The following HOATZ variants were observed in gnomAD, a reference collection of about 807,000 sequenced individuals.
HOATZ encodes the protein HOATZ cilia and flagella associated protein.
A neutral mutation model predicts 24.9 loss-of-function variants in HOATZ; 26 were observed. The ratio of observed to expected loss-of-function variants is 1.04; its 90% CI spans 0.76 to 1.45. HOATZ has a LOEUF of 1.45. HOATZ is among the 40% of genes most tolerant of loss of function. The pLI is 0.00. For synonymous variants in HOATZ, 83 were observed against 76.6 expected, an observed-to-expected ratio of 1.08 and a Z score of -0.43; for missense variants, 226 against 201.5, an observed-to-expected ratio of 1.12 and a Z score of -0.74.
At chr11:111,524,997 T>C (rs1422623444) in intron 3 of HOATZ, 1 of 382,256 alleles carries the variant, frequency 2.6e-6, no homozygotes, top group Admixed American at 3.5e-5. Flanking sequence ...GCCTCCAAAG[T>C]TTCTGGGACT....
chr11:111,527,149 A>G lies in HOATZ; in HGVS notation c.340-6597A>G, dbSNP rs1038325699. ...TAAATCACTTGTACTTCTGCTCTGC[A>G]TGCATTTTGTGTGTGCATGCATGTA... On this transcript the variant is annotated intron_variant, in intron 3 of 5. Transcript: ENST00000375618. Among the ~76,000 whole-genome samples, 4 of 152,204 alleles carry G rather than the reference A, an allele frequency of 2.6e-5. No individual in the cohort carries two copies. The South Asian group carries it at 6.2e-4, about 24-fold the overall frequency.
intron 3 of HOATZ, among the ~76,000 whole-genome samples, chr11:111,521,683 T>A (rs987130249): frequency 1.3e-5 from 2 of 152,230 alleles, no homozygotes. Context: ...AGCATTCAAG[T>A]GGAAGAGTCA....
Position 111,516,102 on chromosome 11 carries a change from C to T in HOATZ, c.331C>T (p.Leu111Phe), listed in dbSNP as rs778936446. 6.3e-7 allele frequency: 1 copy of T among 1,586,794 alleles called. No individual in the cohort carries two copies. Residue 111 changes from leucine (L) to phenylalanine (F), a missense_variant, in exon 3 of 6, where the codon CTC becomes TTC. Leu to Phe is a conservative substitution (Grantham distance 22). Transcript: ENST00000375618. The part of the protein sequence containing the change: ...IQESEEKVKY[L>F]QKAKTREEIL... ...GGAATCTGAGGAGAAAGTAAAGTATCTCCAAAAGGTAGGCCAATATTTCAG... is the reference window on the plus strand; with the variant it reads ...GGAATCTGAGGAGAAAGTAAAGTATTTCCAAAAGGTAGGCCAATATTTCAG...
At chr11:111,523,791 T>C (rs1273022043) in intron 3 of HOATZ, among the ~76,000 whole-genome samples, 2 of 152,240 alleles carry the variant, frequency 1.3e-5, no homozygotes, top group Non-Finnish European at 2.9e-5. Context: ...TCTTCCCATT[T>C]AGCTAATAAC....
chr11:111,531,345 C>CAAA (rs1210803248), intron 3 of HOATZ, among the ~76,000 whole-genome samples: 1 of 152,130 alleles, frequency 6.6e-6, no homozygotes, highest in African/African-American at 2.4e-5. Flanking sequence ...GTATCACATA[C>CAAA]AAAGCACTGC....
intron 1 of HOATZ, 155 bp downstream of exon 1, chr11:111,515,165 C>A: frequency 3.2e-6 from 2 of 623,774 alleles, no homozygotes; most frequent in Non-Finnish European, 2.8e-6. Context: ...ACCCTTCCAG[C>A]AACCCTTCCA....
intron 3 of HOATZ, chr11:111,519,213 T>C: frequency 4.0e-6 from 1 of 252,840 alleles, no homozygotes; most frequent in Non-Finnish European, 8.2e-6. Context: ...TGGCCACAGT[T>C]TACCCTCAAC....
chr11:111,533,840 CT>C, intron 4 of HOATZ, 35 bp downstream of exon 4: 1 of 1,478,640 alleles, frequency 6.8e-7, no homozygotes, highest in Non-Finnish European at 9.1e-7. Flanking sequence ...GATAATCTAT[CT>C]GAGTGGATGA....
intron 5 of HOATZ, chr11:111,534,865 T>C (rs981182075): frequency 1.2e-5 from 2 of 173,504 alleles, no homozygotes; most frequent in Admixed American, 5.9e-5. Context: ...TGGGCTAAGG[T>C]TGCTAAAACT....
At chr11:111,517,410 C>T (rs973752584) in intron 3 of HOATZ, among the ~76,000 whole-genome samples, 2 of 152,068 alleles carry the variant, frequency 1.3e-5, no homozygotes, top group African/African-American at 4.8e-5. Context: ...CAGCTTTTGT[C>T]AAACAATAAG....
At chr11:111,519,411 C>A (rs1166271743) in intron 3 of HOATZ, among the ~76,000 whole-genome samples, 1 of 152,098 alleles carries the variant, frequency 6.6e-6, no homozygotes, top group Non-Finnish European at 1.5e-5. Context: ...ACTCATCTGG[C>A]AAATTTTTCT....
At chr11:111,536,593 C>T in intron 5 of HOATZ, 177 bp from the exon 6 acceptor site, 1 of 542,242 alleles carries the variant, frequency 1.8e-6, no homozygotes, top group Non-Finnish European at 3.3e-6. Context: ...CCACACTTCA[C>T]AATATCATAA....
chr11:111,518,395 A>T (rs1054684700), intron 3 of HOATZ, among the ~76,000 whole-genome samples: 1 of 152,222 alleles, frequency 6.6e-6, no homozygotes, highest in Non-Finnish European at 1.5e-5. Flanking sequence ...AGATATAGTG[A>T]GATAACATAA....
At chr11:111,536,706 G>T in intron 5 of HOATZ, 64 bp from the exon 6 acceptor site, 1 of 1,307,076 alleles carries the variant, frequency 7.7e-7, no homozygotes, top group Non-Finnish European at 1.1e-6. Context: ...TTGTTTTCAT[G>T]CTACATCATG....
At chr11:111,526,166 G>A (rs1451216731) in intron 3 of HOATZ, among the ~76,000 whole-genome samples, 5 of 152,184 alleles carry the variant, frequency 3.3e-5, no homozygotes, top group Non-Finnish European at 5.9e-5. Flanking sequence ...AACAGGCACC[G>A]CACATGTCAA....
intron 3 of HOATZ, 131 bp downstream of exon 3, chr11:111,516,241 AT>A: frequency 3.7e-6 from 2 of 537,174 alleles, no homozygotes; most frequent in Non-Finnish European, 6.5e-6. Flanking sequence ...GGAAACCTTT[AT>A]TAGAATTTTA....
intron 3 of HOATZ, among the ~76,000 whole-genome samples, chr11:111,529,373 C>CT (rs1321551355): frequency 3.1e-4 from 47 of 151,022 alleles, no homozygotes; most frequent in African/African-American, 1.0e-3. Context: ...TAATCTTTTT[C>CT]TTTTTTTTTA....
In HOATZ at chr11:111,514,900, A is replaced by C. The variant is rs780142812; in HGVS notation, c.116A>C (p.Gln39Pro). The change falls in exon 1 of 6, where the codon CAG becomes CCG. Residue 39 changes from glutamine (Q) to proline (P), a missense_variant. By Grantham distance (76) the Gln-to-Pro change is moderately conservative (BLOSUM62 -1). Coordinates refer to ENST00000375618, the MANE Select transcript of HOATZ (RefSeq NM_001100388.2). ...GAACAAGATGCCAACTTGGCTAAGC[A>C]GTTCTGGATCTCGGCGTCGATGTAT... ...SSEQDANLAK[Q>P]FWISASMYPP... 3.1e-6 allele frequency: 5 copies of C among 1,614,104 alleles called. No homozygotes were observed. Among genetic ancestry groups the C allele is most frequent in the Non-Finnish European group, 4.2e-6 (5 of 1,180,004 alleles).
chr11:111,521,239 A>G (rs1246135996), intron 3 of HOATZ, among the ~76,000 whole-genome samples: 1 of 133,522 alleles, frequency 7.5e-6, no homozygotes, highest in Non-Finnish European at 1.6e-5. Flanking sequence ...TTCTCAGAAG[A>G]AAAAAAAACC....
Sources: gnomAD v4.1 joint callset for allele counts (sites outside exome capture counted in the v4.1 genomes callset) on GRCh38, gnomAD v4.1.1 for gene constraint, MANE v1.5 for transcripts, NCBI Gene and HGNC (gene_info 2026-07-23, HGNC 2026-07-21) for gene names.